The following PAPPA2 variants were observed in gnomAD, a reference collection of about 807,000 sequenced individuals.
PAPPA2 encodes the protein pappalysin 2.
In PAPPA2, 86 loss-of-function variants were observed where a neutral mutation model predicts 176.4. That is an observed-to-expected ratio of 0.49 (90% CI 0.41 to 0.58). PAPPA2 has a LOEUF of 0.58. PAPPA2 is among the 20% of genes least tolerant of loss of function. PAPPA2 has a pLI of 0.00. For missense variants in PAPPA2, 2,073 were observed against 2,256.9 expected, an observed-to-expected ratio of 0.92 and a Z score of 1.65; for synonymous variants, 809 against 852.2, an observed-to-expected ratio of 0.95 and a Z score of 0.88.
At chr1:176,708,530 TAGAGAGAGAG>T (rs71565479) in intron 10 of PAPPA2, among the ~76,000 whole-genome samples, 16 of 145,590 alleles carry the variant, frequency 1.1e-4, no homozygotes, top group African/African-American at 3.8e-4. Flanking sequence ...TACGTACATG[TAGAGAGAGAG>T]AGAGAGAGAG....
chr1:176,636,143 C>T (rs544913516), intron 3 of PAPPA2, among the ~76,000 whole-genome samples: 1 of 152,086 alleles, frequency 6.6e-6, no homozygotes, highest in South Asian at 2.1e-4. Flanking sequence ...GAAAGGGACA[C>T]CATCAATAAA....
chr1:176,643,211 A>C (rs2102730885), intron 3 of PAPPA2, among the ~76,000 whole-genome samples: 1 of 152,044 alleles, frequency 6.6e-6, no homozygotes, highest in South Asian at 2.1e-4. Flanking sequence ...AAGGGGTTAA[A>C]TAATGTGTCC....
intron 2 of PAPPA2, among the ~76,000 whole-genome samples, chr1:176,564,722 C>CTTTT (rs71299415): frequency 1.5e-5 from 2 of 133,946 alleles, no homozygotes; most frequent in Non-Finnish European, 1.6e-5. Context: ...CTTTCCTTTT[C>CTTTT]TTTTTTTTTT....
intron 4 of PAPPA2, among the ~76,000 whole-genome samples, chr1:176,674,734 G>GTT (rs765026167): frequency 6.6e-5 from 9 of 137,270 alleles, no homozygotes; most frequent in Admixed American, 7.3e-5. Flanking sequence ...GTGTGCAAGT[G>GTT]TTTTTTTTTT....
At position 176,840,229 on chromosome 1, in the gene PAPPA2, T is replaced by C. The variant is rs1276712846; in HGVS notation, c.5259T>C (p.Tyr1753=). 4 of 1,613,526 alleles carry C rather than the reference T, an allele frequency of 2.5e-6. No individual in the cohort carries two copies. The highest frequency in any genetic ancestry group is 1.7e-6 in the Non-Finnish European group (2 of 1,179,644). Residue 1753 remains tyrosine, a synonymous_variant, in exon 22 of 23, where the codon TAT becomes TAC. Coordinates refer to ENST00000367662, the MANE Select transcript of PAPPA2 (RefSeq NM_020318.3). ...DTINNRAYCH[Y]DGGDCCSSTL... ...TCAACAACCGAGCCTACTGCCACTA[T>C]GACGGGGGAGACTGCTGCTCTTCCA...
rs371879738 is a variant in PAPPA2 at position 176,594,863 on chromosome 1, G to A, written c.1259G>A (p.Arg420His). The change falls in exon 3 of 23, where the codon CGT becomes CAT. Residue 420 changes from arginine (R) to histidine (H), a missense_variant. By Grantham distance (29) the Arg-to-His change is conservative. Coordinates refer to ENST00000367662, the MANE Select transcript of PAPPA2 (RefSeq NM_020318.3). ...GDSSEDGHYFRGHLGTLVFWS... is the reference protein window; with the variant it reads ...GDSSEDGHYFHGHLGTLVFWS... ...AGCTCTGAGGATGGGCACTATTTCCGTGGACACCTGGGCACACTGGTTTTC... is the reference window on the plus strand; with the variant it reads ...AGCTCTGAGGATGGGCACTATTTCCATGGACACCTGGGCACACTGGTTTTC... 1.2e-5 allele frequency: 19 copies of A among 1,614,088 alleles called. No individual in the cohort carries two copies. The highest frequency in any genetic ancestry group is 2.7e-5 in the African/African-American group (2 of 74,922).
chr1:176,682,250 G>A (rs180826937), intron 4 of PAPPA2, among the ~76,000 whole-genome samples: 1 of 152,286 alleles, frequency 6.6e-6, no homozygotes, highest in East Asian at 1.9e-4. Flanking sequence ...GACAGGTAGA[G>A]GAACCCACAG....
chr1:176,668,516 C>T (rs893935116), intron 3 of PAPPA2, among the ~76,000 whole-genome samples: 4 of 152,034 alleles, frequency 2.6e-5, no homozygotes, highest in Non-Finnish European at 4.4e-5. Flanking sequence ...TTTTTTTCCT[C>T]ATCCTAAGCC....
chr1:176,762,314 G>A (rs1455230507), intron 14 of PAPPA2, among the ~76,000 whole-genome samples: 1 of 143,404 alleles, frequency 7.0e-6, no homozygotes, highest in African/African-American at 2.6e-5. Flanking sequence ...ATTCTCCCCT[G>A]TCTCATTCTT....
At chr1:176,726,094 T>G (rs1290396777) in intron 12 of PAPPA2, among the ~76,000 whole-genome samples, 3 of 152,236 alleles carry the variant, frequency 2.0e-5, no homozygotes, top group African/African-American at 7.2e-5. Context: ...TTTTCACTTC[T>G]CTATAACATT....
Position 176,577,158 on chromosome 1 carries a change from C to A in PAPPA2, c.920-17366C>A, listed in dbSNP as rs1444809935. On this transcript the variant is annotated intron_variant, in intron 2 of 22. Coordinates refer to ENST00000367662, the MANE Select transcript of PAPPA2 (RefSeq NM_020318.3). ...TATTGATACTGTGCCAGGAACCACG[C>A]CAACTACCTTCTATGGGCATCATAT... is the stretch of plus-strand genomic sequence containing the variant. Among the ~76,000 whole-genome samples, 3 of 152,252 alleles carry A rather than the reference C, an allele frequency of 2.0e-5. No individual in the cohort carries two copies. In the East Asian group the frequency reaches 5.8e-4, roughly 29 times the overall value.
rs150451689 is a variant in PAPPA2 at position 176,490,466 on chromosome 1, T to C, written c.-917+27048T>C. 2.1e-3 allele frequency among the ~76,000 whole-genome samples: 325 copies of C among 152,266 alleles called. 4 individuals are homozygous for C. The highest frequency in any genetic ancestry group is 7.6e-3 in the African/African-American group (315 of 41,564). On this transcript the variant is annotated intron_variant, in intron 1 of 22. Transcript: ENST00000367662. ...CAACAAAAACAATTGTCCTCTCTGC[T>C]TGCCTGTAAAACTGTCCCAGCTTAT...
At chr1:176,494,536 T>TA (rs943627927) in intron 1 of PAPPA2, among the ~76,000 whole-genome samples, 1 of 152,226 alleles carries the variant, frequency 6.6e-6, no homozygotes, top group African/African-American at 2.4e-5. Context: ...TTAATTCTAT[T>TA]AAAATCAAAG....
intron 3 of PAPPA2, among the ~76,000 whole-genome samples, chr1:176,617,683 C>T (rs1655349457): frequency 6.6e-6 from 1 of 151,802 alleles, no homozygotes; most frequent in African/African-American, 2.4e-5. Flanking sequence ...TCTTTATCCA[C>T]TCATTGGCTG....
At chr1:176,519,481 A>AT (rs796129576) in intron 1 of PAPPA2, among the ~76,000 whole-genome samples, 19 of 152,152 alleles carry the variant, frequency 1.2e-4, no homozygotes, top group African/African-American at 4.6e-4. Flanking sequence ...AGTGTATATC[A>AT]TTTTTCTCAT....
intron 14 of PAPPA2, 31 bp downstream of exon 14, chr1:176,740,227 CT>C (rs1279431225): frequency 6.3e-7 from 1 of 1,588,834 alleles, no homozygotes; most frequent in Non-Finnish European, 8.6e-7. Context: ...CTTTTGTTTC[CT>C]TTTCTTGTGG....
intron 3 of PAPPA2, among the ~76,000 whole-genome samples, chr1:176,649,105 C>T (rs1657567528): frequency 6.6e-6 from 1 of 151,316 alleles, no homozygotes; most frequent in African/African-American, 2.4e-5. Context: ...TGGCTTAAAT[C>T]TCCTTACTTG....
chr1:176,700,023 C>T (rs753529493), intron 8 of PAPPA2, among the ~76,000 whole-genome samples: 13 of 152,176 alleles, frequency 8.5e-5, no homozygotes, highest in Admixed American at 6.5e-4. Context: ...GCAGACCAGA[C>T]GATACACTCA....
rs533083564 is a variant in PAPPA2 at position 176,843,833 on chromosome 1, C to T, written c.*1379C>T. ...CAATGAAGAATCTGAGATAAATTCTCTTCAAGTATCATGTACAAAATCTGT... is the reference window on the plus strand; with the variant it reads ...CAATGAAGAATCTGAGATAAATTCTTTTCAAGTATCATGTACAAAATCTGT... On this transcript the variant is annotated 3_prime_UTR_variant, in exon 23 of 23. Transcript: ENST00000367662. The T allele has an allele frequency of 6.6e-6, 1 of 152,128 alleles. No individual in the cohort carries two copies. Among genetic ancestry groups the T allele is most frequent in the Admixed American group, 6.5e-5 (1 of 15,270 alleles). The allele number at this position is 152,128 out of a possible 1,614,324, so 9.4% of individuals were successfully genotyped here.
Sources: allele counts gnomAD v4.1 joint callset (sites outside exome capture counted in the v4.1 genomes callset), GRCh38; gene constraint gnomAD v4.1.1; transcripts MANE v1.5; gene names NCBI Gene and HGNC (gene_info 2026-07-23, HGNC 2026-07-21).